WDR59: variants seen among roughly 807,000 people sequenced by gnomAD.
WDR59 encodes WD repeat domain 59.
A neutral mutation model predicts 131.2 loss-of-function variants in WDR59; 100 were observed. That is an observed-to-expected ratio of 0.76 (90% CI 0.65 to 0.90). The LOEUF is 0.90. Among genes scored for constraint, WDR59 ranks in the 40% least tolerant of loss-of-function variants. WDR59 has a pLI of 0.00. For synonymous variants in WDR59, 601 were observed against 466.2 expected, an observed-to-expected ratio of 1.29 and a Z score of -3.72; for missense variants, 1,203 against 1,262.2, an observed-to-expected ratio of 0.95 and a Z score of 0.71.
chr16:74,971,505 T>C (rs2033983470), intron 1 of WDR59, among the ~76,000 whole-genome samples: 1 of 140,014 alleles, frequency 7.1e-6, no homozygotes, highest in Non-Finnish European at 1.5e-5. Context: ...CAATCTCGGC[T>C]CACTGCAACC....
Position 74,915,876 on chromosome 16 carries a change from A to G in WDR59, c.1218T>C (p.Asn406=), listed in dbSNP as rs1966343687. The change falls in exon 13 of 26, where the codon AAT becomes AAC. Residue 406 remains asparagine, a synonymous_variant. Coordinates refer to ENST00000262144, the MANE Select transcript of WDR59 (RefSeq NM_030581.4). The part of the protein sequence containing the change: ...SLINVQIRNV[N]VEMDAADRSC... The stretch of plus-strand genomic sequence containing the variant: ...AGTTGATTAAACTAAGTACCTCCAC[A>G]TTGACATTCCGGATTTGCACATTGA... The G allele has an allele frequency of 9.9e-6, 16 of 1,614,240 alleles. No homozygotes were observed. Among genetic ancestry groups the G allele is most frequent in the Non-Finnish European group, 1.3e-5 (15 of 1,180,034 alleles).
At chr16:74,946,879 A>C (rs1357814018) in intron 6 of WDR59, among the ~76,000 whole-genome samples, 2 of 152,186 alleles carry the variant, frequency 1.3e-5, no homozygotes, top group Admixed American at 1.3e-4. Context: ...CAGAGCAAAC[A>C]CCAAATGTGT....
intron 18 of WDR59, among the ~76,000 whole-genome samples, chr16:74,901,855 G>A (rs1040374275): frequency 1.4e-5 from 2 of 142,962 alleles, no homozygotes; most frequent in African/African-American, 4.9e-5. Context: ...GCCATATCAC[G>A]CTTATGTAAT....
intron 18 of WDR59, among the ~76,000 whole-genome samples, chr16:74,894,747 A>G (rs1965209258): frequency 6.6e-6 from 1 of 152,246 alleles, no homozygotes; most frequent in Non-Finnish European, 1.5e-5. Flanking sequence ...CTGGCTCAGC[A>G]GGACCCTCGG....
rs1363228376 is a variant in WDR59 at position 74,874,337 on chromosome 16, C to T, written c.2797G>A (p.Gly933Arg). The T allele has an allele frequency of 1.2e-6, 2 of 1,614,154 alleles. No homozygotes were observed. Among genetic ancestry groups the T allele is most frequent in the Non-Finnish European group, 1.7e-6 (2 of 1,180,038 alleles). Reference sequence around the variant, plus strand: ...CAGGTCAGGCAGAAATTGGACGATCCCCGCACAGCCACGTGACAGATGGCA... The same window carrying T: ...CAGGTCAGGCAGAAATTGGACGATCTCCGCACAGCCACGTGACAGATGGCA... ...QCAICHVAVR[G>R]SSNFCLTCGH... The change falls in exon 26 of 26, where the codon GGA becomes AGA. Residue 933 changes from glycine to arginine, a missense_variant. Transcript: ENST00000262144.
chr16:74,916,334 G>A (rs1966384614), intron 11 of WDR59, 75 bp from the exon 12 acceptor site: 1 of 1,589,634 alleles, frequency 6.3e-7, no homozygotes, highest in Non-Finnish European at 8.6e-7. Flanking sequence ...AAAGAGTTCT[G>A]ACTTAAAAAT....
intron 3 of WDR59, among the ~76,000 whole-genome samples, chr16:74,952,445 C>CAAAAAAAAAA (rs61448932): frequency 2.7e-3 from 169 of 61,530 alleles, no homozygotes; most frequent in East Asian, 4.4e-3. Context: ...CCATCTCAAA[C>CAAAAAAAAAA]AAAAAAAAAA....
chr16:74,935,398 AG>A (rs1250022246), intron 8 of WDR59, among the ~76,000 whole-genome samples: 2 of 152,164 alleles, frequency 1.3e-5, no homozygotes, highest in African/African-American at 4.8e-5. Context: ...TCTATTTCTA[AG>A]GGCCACATAA....
chr16:74,952,686 T>C (rs1465984230), intron 3 of WDR59, among the ~76,000 whole-genome samples: 1 of 151,418 alleles, frequency 6.6e-6, no homozygotes, highest in Non-Finnish European at 1.5e-5. Context: ...CGACATATCA[T>C]GACTTTATGA....
intron 6 of WDR59, among the ~76,000 whole-genome samples, chr16:74,947,685 A>C (rs1373339455): frequency 6.6e-6 from 1 of 152,252 alleles, no homozygotes; most frequent in Admixed American, 6.5e-5. Flanking sequence ...TAATATTTTT[A>C]GGTATTTTTA....
intron 13 of WDR59, among the ~76,000 whole-genome samples, chr16:74,914,596 T>C: frequency 0.01 from 1 of 100 alleles, no homozygotes; most frequent in African/African-American, 0.022. Context: ...AGCAGACTAT[T>C]TTTTTTTTTT....
chr16:74,878,472 G>A (rs1964324164), intron 25 of WDR59, among the ~76,000 whole-genome samples: 1 of 152,142 alleles, frequency 6.6e-6, no homozygotes, highest in South Asian at 2.1e-4. Context: ...TGGCCAACAT[G>A]GCAAAACCCA....
chr16:74,924,361 C>G (rs906942919), intron 8 of WDR59, among the ~76,000 whole-genome samples: 1 of 152,186 alleles, frequency 6.6e-6, no homozygotes, highest in Non-Finnish European at 1.5e-5. Flanking sequence ...GCTGAAGTGT[C>G]CTGACTACTC....
At chr16:74,949,330 CAAA>C (rs550013099) in intron 5 of WDR59, among the ~76,000 whole-genome samples, 1,704 of 42,510 alleles carry the variant, frequency 0.04, 20 homozygotes, top group African/African-American at 0.1. Context: ...TACCTTGTCT[CAAA>C]AAAAAAAAAA....
intron 25 of WDR59, among the ~76,000 whole-genome samples, chr16:74,884,059 T>C (rs1964642480): frequency 6.6e-6 from 1 of 152,234 alleles, no homozygotes; most frequent in Non-Finnish European, 1.5e-5. Flanking sequence ...AAGTTTCATC[T>C]TTCTTCCTGA....
rs1014477501 is a variant in WDR59 at position 74,887,742 on chromosome 16, G to A, written c.2360C>T (p.Ser787Phe). ...VSHSRYPSFT[S>F]SGSCSSMSDP... ...TGACATACTGGAGCAGGAACCAGAA[G>A]AGGTAAAGCTAGGCTACAGAAGGGA... Residue 787 changes from serine (S) to phenylalanine (F), a missense_variant, in exon 23 of 26, where the codon TCT becomes TTT. Coordinates refer to ENST00000262144, the MANE Select transcript of WDR59 (RefSeq NM_030581.4). The A allele has an allele frequency of 6.2e-7, 1 of 1,613,960 alleles. No homozygotes were observed. Among genetic ancestry groups the A allele is most frequent in the African/African-American group, 1.3e-5 (1 of 74,922 alleles).
intron 7 of WDR59, among the ~76,000 whole-genome samples, chr16:74,939,018 C>T (rs2032020946): frequency 6.6e-6 from 1 of 151,910 alleles, no homozygotes; most frequent in African/African-American, 2.4e-5. Context: ...AAAAACAATA[C>T]ATGATTAATA....
At chr16:74,904,709 T>C (rs371626355) in intron 17 of WDR59, among the ~76,000 whole-genome samples, 1 of 152,204 alleles carries the variant, frequency 6.6e-6, no homozygotes, top group Non-Finnish European at 1.5e-5. Flanking sequence ...ACAGCCAACC[T>C]GAACTAAACA....
Position 74,892,573 on chromosome 16 carries a change from T to G in WDR59, c.2001-8A>C. On this transcript the variant is annotated splice_region_variant and splice_polypyrimidine_tract_variant and intron_variant, in intron 19 of 25. Transcript: ENST00000262144. ...ATATCATTCACATTCAATCTGAAAT[T>G]TTTTAAAAAGAATTAAACATTTCTT... The G allele has an allele frequency of 6.2e-7, 1 of 1,611,284 alleles. No individual in the cohort carries two copies. Among genetic ancestry groups the G allele is most frequent in the Non-Finnish European group, 8.5e-7 (1 of 1,178,292 alleles).
Sources: allele counts gnomAD v4.1 joint callset (sites outside exome capture counted in the v4.1 genomes callset), GRCh38; gene constraint gnomAD v4.1.1; transcripts MANE v1.5; gene names NCBI Gene and HGNC (gene_info 2026-07-23, HGNC 2026-07-21).